The following ZNF841 variants were observed in gnomAD, a reference collection of about 807,000 sequenced individuals.
ZNF841 encodes zinc finger protein 841, also known as TCONS_00006091.
A neutral mutation model predicts 13.0 loss-of-function variants in ZNF841; 11 were observed. That is an observed-to-expected ratio of 0.85 (90% CI 0.53 to 1.40). ZNF841 has a LOEUF of 1.40. Ranked by LOEUF, ZNF841 falls within the 40% of genes most tolerant of loss-of-function variation. The pLI, the probability that ZNF841 is intolerant of heterozygous loss-of-function variation, is 0.00. For synonymous variants in ZNF841, 369 were observed against 381.6 expected, an observed-to-expected ratio of 0.97 and a Z score of 0.38; for missense variants, 1,068 against 1,139.5, an observed-to-expected ratio of 0.94 and a Z score of 0.90.
At chr19:52,078,083 A>G (rs1331113540) in intron 4 of ZNF841, among the ~76,000 whole-genome samples, 1 of 152,208 alleles carries the variant, frequency 6.6e-6, no homozygotes, top group Non-Finnish European at 1.5e-5. Flanking sequence ...TGAGGTCAAG[A>G]GATCGAGATC....
rs2087519862 is a variant in ZNF841, at chr19:52,065,519, G to A, written c.2363C>T (p.Thr788Ile). 1.9e-6 allele frequency: 3 copies of A among 1,613,994 alleles called. No homozygotes were observed. The highest frequency in any genetic ancestry group is 2.5e-6 in the Non-Finnish European group (3 of 1,180,028). The stretch of plus-strand genomic sequence containing the variant: ...ATTACATTTGTAAGGTTTCTCTCCA[G>A]TATGAATACTCCAATGACGTGCGAG... ...SGLARHWSIH[T>I]GEKPYKCNEC... Residue 788 changes from threonine to isoleucine, a missense_variant, in exon 7 of 7, where the codon ACT becomes ATT. Thr to Ile is a moderately conservative substitution (Grantham distance 89, BLOSUM62 -1). Coordinates refer to ENST00000594440, the MANE Select transcript of ZNF841 (RefSeq NM_001136499.2).
chr19:52,061,170 TC>T (rs1244621006), downstream of ZNF841, among the ~76,000 whole-genome samples: 1 of 152,204 alleles, frequency 6.6e-6, no homozygotes, highest in Non-Finnish European at 1.5e-5. Context: ...AGTCCTCTTC[TC>T]TTTTCCAAAC....
intron 2 of ZNF841, among the ~76,000 whole-genome samples, chr19:52,090,904 G>A (rs1490138438): frequency 6.6e-6 from 1 of 152,104 alleles, no homozygotes; most frequent in Non-Finnish European, 1.5e-5. Context: ...CATGCTCCTT[G>A]AGGTTATCTA....
In ZNF841 at chr19:52,072,313, C is replaced by T. The variant is rs1489923442; in HGVS notation, c.271+3731G>A. Among the ~76,000 whole-genome samples the T allele has an allele frequency of 3.9e-5, 6 of 152,154 alleles. No individual in the cohort carries two copies. In the South Asian group the frequency reaches 1.2e-3, roughly 31 times the overall value. ...AAAACAAGGAACTAGAGAACCTAAA[C>T]TATATATCAAGTTGAACCTAACCTA... is the stretch of plus-strand genomic sequence containing the variant. On this transcript the variant is annotated intron_variant, in intron 6 of 6. Transcript: ENST00000594440.
intron 6 of ZNF841, among the ~76,000 whole-genome samples, chr19:52,067,976 T>C (rs2087635837): frequency 6.6e-6 from 1 of 152,084 alleles, no homozygotes; most frequent in African/African-American, 2.4e-5. Flanking sequence ...AAGTTACATA[T>C]ATTTATTTCA....
chr19:52,080,078 T>C (rs1281461636), intron 4 of ZNF841, among the ~76,000 whole-genome samples: 1 of 151,354 alleles, frequency 6.6e-6, no homozygotes, highest in Non-Finnish European at 1.5e-5. Flanking sequence ...ATGCTAACAA[T>C]GTACTGAAAT....
downstream of ZNF841, among the ~76,000 whole-genome samples, chr19:52,060,230 G>C (rs190636846): frequency 7.7e-4 from 117 of 152,184 alleles, no homozygotes; most frequent in African/African-American, 2.7e-3. Context: ...CCCTCTACTG[G>C]TAACATATTC....
chr19:52,087,064 C>G (rs569805060), intron 3 of ZNF841, among the ~76,000 whole-genome samples: 3 of 152,280 alleles, frequency 2.0e-5, no homozygotes, highest in African/African-American at 7.2e-5. Context: ...AAACTAGAGG[C>G]TTTAGGGTCT....
chr19:52,070,056 C>G (rs1206080903), intron 6 of ZNF841, among the ~76,000 whole-genome samples: 3 of 152,120 alleles, frequency 2.0e-5, no homozygotes, highest in Non-Finnish European at 2.9e-5. Context: ...TAAATATGCC[C>G]ACAGGATTTA....
intron 3 of ZNF841, among the ~76,000 whole-genome samples, chr19:52,087,207 T>C (rs1341337848): frequency 1.3e-5 from 2 of 152,226 alleles, no homozygotes; most frequent in African/African-American, 4.8e-5. Context: ...CGTTGTTTTC[T>C]TTTTAACTTA....
chr19:52,077,067 C>T lies in ZNF841; in HGVS notation c.33G>A (p.Arg11=). 1.2e-6 allele frequency: 2 copies of T among 1,610,844 alleles called. No homozygotes were observed. Among genetic ancestry groups the T allele is most frequent in the African/African-American group, 2.7e-5 (2 of 74,886 alleles). ...CCTGAGAGAATTCTACAGCCACATC[C>T]CTGAATGTCAAAGATCCCTGAAATG... MALPQGSLTF[R]DVAVEFSQEE... The change falls in exon 5 of 7, where the codon AGG becomes AGA. Residue 11 remains arginine, a synonymous_variant. Transcript: ENST00000594440.
At chr19:52,080,845 T>G (rs995584259) in intron 4 of ZNF841, among the ~76,000 whole-genome samples, 1 of 152,116 alleles carries the variant, frequency 6.6e-6, no homozygotes. Flanking sequence ...TCTAGCTGAG[T>G]TGACTCCAGA....
chr19:52,080,967 T>C (rs1417411578), intron 4 of ZNF841, among the ~76,000 whole-genome samples: 1 of 152,004 alleles, frequency 6.6e-6, no homozygotes, highest in Non-Finnish European at 1.5e-5. Context: ...GAAAATACAG[T>C]CCATAAAAAG....
At chr19:52,095,344 C>G (rs1319780553) in intron 1 of ZNF841, among the ~76,000 whole-genome samples, 1 of 152,088 alleles carries the variant, frequency 6.6e-6, no homozygotes, top group African/African-American at 2.4e-5. Context: ...AGGAGCCGGA[C>G]AGTGGGCGCT....
At position 52,077,097 on chromosome 19, in the gene ZNF841, AC is replaced by A; in HGVS notation, c.16-14del. On this transcript the variant is annotated splice_polypyrimidine_tract_variant and intron_variant, in intron 4 of 6. Coordinates refer to ENST00000594440, the MANE Select transcript of ZNF841 (RefSeq NM_001136499.2). ...ATGTCAAAGATCCCTGAAATGAAAAACACATTTCAATATGAGCAGTGGGTGA... is the reference window on the plus strand; with the variant it reads ...ATGTCAAAGATCCCTGAAATGAAAAAACATTTCAATATGAGCAGTGGGTGA... 1 of 1,602,926 alleles carries A rather than the reference AC, an allele frequency of 6.2e-7. No homozygotes were observed.
At chr19:52,089,187 T>C (rs2088389796) in intron 2 of ZNF841, among the ~76,000 whole-genome samples, 185 bp from the exon 3 acceptor site, 1 of 152,116 alleles carries the variant, frequency 6.6e-6, no homozygotes, top group Admixed American at 6.6e-5. Context: ...GGGAAGTTAT[T>C]TTATGACAAC....
intron 1 of ZNF841, among the ~76,000 whole-genome samples, chr19:52,094,863 T>A (rs952896720): frequency 6.6e-6 from 1 of 152,132 alleles, no homozygotes; most frequent in African/African-American, 2.4e-5. Flanking sequence ...CCTTTTTTTC[T>A]AAATTTCTCT....
intron 1 of ZNF841, among the ~76,000 whole-genome samples, chr19:52,095,357 C>G (rs2088634050): frequency 6.6e-6 from 1 of 152,122 alleles, no homozygotes; most frequent in African/African-American, 2.4e-5. Context: ...TGGGCGCTCC[C>G]CTCCAGGGGC....
chr19:52,075,536 A>G (rs1003929534), intron 6 of ZNF841, among the ~76,000 whole-genome samples: 1 of 152,232 alleles, frequency 6.6e-6, no homozygotes, highest in Admixed American at 6.5e-5. Flanking sequence ...GGCTGAAGAT[A>G]GTCCAGTTCT....
Sources: gnomAD v4.1 joint callset for allele counts (sites outside exome capture counted in the v4.1 genomes callset) on GRCh38, gnomAD v4.1.1 for gene constraint, MANE v1.5 for transcripts, NCBI Gene and HGNC (gene_info 2026-07-23, HGNC 2026-07-21) for gene names.